The following SNX29 variants were observed in gnomAD, a reference collection of about 807,000 sequenced individuals.
The protein encoded by SNX29 is sorting nexin-29.
A neutral mutation model predicts 102.1 loss-of-function variants in SNX29; 78 were observed. The observed-to-expected ratio is 0.76, with a 90% confidence interval of 0.64 to 0.92. The LOEUF (loss-of-function observed/expected upper bound fraction) is 0.92. SNX29 is among the 40% of genes least tolerant of loss of function. The pLI is 0.00. For synonymous variants in SNX29, 580 were observed against 414.5 expected (o/e 1.40, Z -4.85); for missense variants, 1,280 against 1,061.7 (o/e 1.21, Z -2.86).
intron 11 of SNX29, among the ~76,000 whole-genome samples, chr16:12,124,699 A>G (rs1238761858): frequency 6.6e-6 from 1 of 152,220 alleles, no homozygotes; most frequent in Admixed American, 6.5e-5. Context: ...GCTCAGCTGC[A>G]TTTGTGGATG....
At chr16:12,046,827 C>T (rs2050108713) in intron 6 of SNX29, among the ~76,000 whole-genome samples, 1 of 152,172 alleles carries the variant, frequency 6.6e-6, no homozygotes, top group South Asian at 2.1e-4. Flanking sequence ...CTATGTTGGT[C>T]AGGCCGGTCT....
intron 14 of SNX29, among the ~76,000 whole-genome samples, chr16:12,243,128 C>A (rs1318170392): frequency 6.6e-6 from 1 of 152,246 alleles, no homozygotes; most frequent in African/African-American, 2.4e-5. Context: ...CACTATTTGT[C>A]TTCTCGCTCT....
intron 14 of SNX29, among the ~76,000 whole-genome samples, chr16:12,274,639 C>T (rs147323055): frequency 3.2e-4 from 48 of 151,982 alleles, no homozygotes; most frequent in African/African-American, 1.1e-3. Flanking sequence ...GAGGCTCAAG[C>T]GATCCTTCCA....
intron 19 of SNX29, among the ~76,000 whole-genome samples, chr16:12,520,908 C>G (rs965290796): frequency 2.0e-5 from 3 of 152,124 alleles, no homozygotes; most frequent in Admixed American, 6.5e-5. Flanking sequence ...CACTAAAGAA[C>G]TCGTTCAAGG....
At chr16:12,549,503 G>A (rs554798936) in intron 20 of SNX29, among the ~76,000 whole-genome samples, 6 of 151,820 alleles carry the variant, frequency 4.0e-5, no homozygotes, top group Admixed American at 1.3e-4. Context: ...ATACAAAGAT[G>A]TTCATGCCAT....
intron 14 of SNX29, among the ~76,000 whole-genome samples, chr16:12,242,568 TTTC>T (rs1194251541): frequency 1.3e-5 from 2 of 151,324 alleles, no homozygotes; most frequent in African/African-American, 2.4e-5. Context: ...GGCCGGCTCT[TTTC>T]TTCTTCTTTT....
At chr16:12,362,571 C>A (rs1246416156) in intron 16 of SNX29, among the ~76,000 whole-genome samples, 1 of 79,816 alleles carries the variant, frequency 1.3e-5, no homozygotes, top group Non-Finnish European at 3.0e-5. Context: ...CACCCCCCCC[C>A]CCACCAGTTT....
intron 19 of SNX29, among the ~76,000 whole-genome samples, chr16:12,496,054 A>G (rs1365020590): frequency 1.3e-5 from 2 of 152,220 alleles, no homozygotes; most frequent in East Asian, 1.9e-4. Flanking sequence ...TCAAAAAAAA[A>G]ATGTCTGCAG....
chr16:12,386,199 A>G (rs182381582), intron 16 of SNX29, among the ~76,000 whole-genome samples: 3 of 152,256 alleles, frequency 2.0e-5, no homozygotes, highest in Admixed American at 2.0e-4. Flanking sequence ...GGTCATTCTC[A>G]TCAACCCTTA....
intron 13 of SNX29, among the ~76,000 whole-genome samples, chr16:12,152,078 A>C (rs2055325751): frequency 6.6e-6 from 1 of 152,122 alleles, no homozygotes; most frequent in Admixed American, 6.5e-5. Context: ...GAAATTAGCT[A>C]GGTGTGGTGG....
intron 18 of SNX29, among the ~76,000 whole-genome samples, chr16:12,476,731 C>G (rs2087672317): frequency 1.3e-5 from 2 of 151,942 alleles, no homozygotes; most frequent in Admixed American, 6.6e-5. Flanking sequence ...CTAGTCCTTC[C>G]TCCTGTTCAC....
chr16:12,111,515 C>T (rs910786540), intron 11 of SNX29, among the ~76,000 whole-genome samples: 4 of 152,194 alleles, frequency 2.6e-5, no homozygotes, highest in African/African-American at 9.6e-5. Context: ...TAGCAGACTT[C>T]CCTTTACGTC....
intron 18 of SNX29, among the ~76,000 whole-genome samples, chr16:12,457,106 T>C (rs950688625): frequency 2.6e-5 from 4 of 152,194 alleles, no homozygotes; most frequent in African/African-American, 9.7e-5. Context: ...AGCAATACAT[T>C]CAGGGCAGGT....
chr16:12,081,868 T>C (rs2051914420), intron 11 of SNX29: 1 of 152,686 alleles, frequency 6.5e-6, no homozygotes. Flanking sequence ...AGCTCTCCCT[T>C]GGTCCTATGC....
At chr16:12,421,749 C>T (rs901005635) in intron 18 of SNX29, among the ~76,000 whole-genome samples, 2 of 152,156 alleles carry the variant, frequency 1.3e-5, no homozygotes, top group Non-Finnish European at 2.9e-5. Context: ...GCATCACCAT[C>T]ATTATCATCA....
rs184288432 is a variant in SNX29 at position 12,324,804 on chromosome 16, G to C, written c.1783-31359G>C. Among the ~76,000 whole-genome samples the C allele has an allele frequency of 7.4e-4, 113 of 152,168 alleles. 2 individuals carry two copies. The highest frequency in any genetic ancestry group is 8.5e-4 in the Admixed American group (13 of 15,288). ...CTGACCCAGCAATCCATCTATCTGG[G>C]AGGTTGCTGAAAACCGAAACCTCCC... On this transcript the variant is annotated intron_variant, in intron 15 of 20. Transcript: ENST00000566228.
At chr16:12,063,978 A>AGAGC (rs2050903199) in intron 9 of SNX29, among the ~76,000 whole-genome samples, 1 of 151,994 alleles carries the variant, frequency 6.6e-6, no homozygotes, top group Non-Finnish European at 1.5e-5. Context: ...GGGCTGGGAG[A>AGAGC]GAGCAGGTGG....
intron 20 of SNX29, among the ~76,000 whole-genome samples, chr16:12,547,426 C>A (rs1401764787): frequency 6.6e-6 from 1 of 152,100 alleles, no homozygotes; most frequent in Non-Finnish European, 1.5e-5. Context: ...CATGTGGGCA[C>A]CCCGGGGAGA....
intron 14 of SNX29, among the ~76,000 whole-genome samples, chr16:12,251,883 C>T (rs998675300): frequency 3.3e-5 from 5 of 151,994 alleles, no homozygotes; most frequent in Non-Finnish European, 1.5e-5. Context: ...ACTCAGCCTC[C>T]CCAGTAGCTA....
Sources: gnomAD v4.1 joint callset for allele counts (sites outside exome capture counted in the v4.1 genomes callset) on GRCh38, gnomAD v4.1.1 for gene constraint, MANE v1.5 for transcripts, NCBI Gene and HGNC (gene_info 2026-07-23, HGNC 2026-07-21) for gene names.